The following UMAD1 variants were observed in gnomAD, a reference collection of about 807,000 sequenced individuals.
UMAD1 encodes UBAP1-MVB12-associated (UMA) domain containing 1, also known as UBAP1-MVB12-associated (UMA)-domain containing protein 1.
In UMAD1, 8 loss-of-function variants were observed where a neutral mutation model predicts 6.1. The observed-to-expected ratio is 1.30, with a 90% confidence interval of 0.76 to 2.35. The LOEUF (loss-of-function observed/expected upper bound fraction) is 2.35, where lower values mean the gene tolerates loss of function less well. Ranked by LOEUF, UMAD1 falls within the 30% of genes most tolerant of loss-of-function variation. The pLI, the probability that UMAD1 is intolerant of heterozygous loss-of-function variation, is 0.00. For synonymous variants in UMAD1, 56 were observed against 31.4 expected (o/e 1.78, Z -2.61); for missense variants, 130 against 78.4 (o/e 1.66, Z -2.49).
chr7:7,755,483 G>C (rs1441689852), intron 2 of UMAD1, among the ~76,000 whole-genome samples: 1 of 152,196 alleles, frequency 6.6e-6, no homozygotes, highest in Non-Finnish European at 1.5e-5. Context: ...TCAGAATTCA[G>C]AGTCTAAATT....
intron 3 of UMAD1, among the ~76,000 whole-genome samples, chr7:7,865,365 G>T (rs925584294): frequency 2.0e-5 from 3 of 152,094 alleles, no homozygotes; most frequent in Admixed American, 6.5e-5. Context: ...TTGGAGAATT[G>T]GTTGGTATGA....
intron 2 of UMAD1, among the ~76,000 whole-genome samples, chr7:7,709,544 G>A (rs74601666): frequency 0.029 from 4,346 of 152,344 alleles, 198 homozygotes; most frequent in African/African-American, 0.096. Context: ...AAAGTCAGGC[G>A]CTGAGCCTGC....
intron 2 of UMAD1, among the ~76,000 whole-genome samples, chr7:7,719,996 G>A (rs528555542): frequency 6.6e-6 from 1 of 152,246 alleles, no homozygotes; most frequent in East Asian, 1.9e-4. Flanking sequence ...TATTTTTGAA[G>A]GGAATAAAGT....
At chr7:7,721,146 G>C (rs1334185087) in intron 2 of UMAD1, among the ~76,000 whole-genome samples, 3 of 152,338 alleles carry the variant, frequency 2.0e-5, no homozygotes, top group Admixed American at 2.0e-4. Context: ...AGAGACTTCA[G>C]AGAGAGCTTA....
chr7:7,851,355 A>G (rs1783913020), intron 3 of UMAD1, among the ~76,000 whole-genome samples: 1 of 152,200 alleles, frequency 6.6e-6, no homozygotes, highest in Non-Finnish European at 1.5e-5. Context: ...TGTAAATAAT[A>G]CTATTCTGAA....
chr7:7,644,243 A>T (rs1785043971), intron 1 of UMAD1, among the ~76,000 whole-genome samples: 1 of 148,632 alleles, frequency 6.7e-6, no homozygotes, highest in South Asian at 2.1e-4. Context: ...TTTTTCCTTG[A>T]TTTTTCTTTT....
At chr7:7,776,515 C>T (rs1050237918) in intron 2 of UMAD1, among the ~76,000 whole-genome samples, 5 of 152,118 alleles carry the variant, frequency 3.3e-5, no homozygotes, top group Non-Finnish European at 7.3e-5. Flanking sequence ...CAGGAATTTT[C>T]AGTGTTGTTT....
chr7:7,794,267 A>G (rs572927490), intron 2 of UMAD1, among the ~76,000 whole-genome samples: 4 of 152,322 alleles, frequency 2.6e-5, no homozygotes, highest in African/African-American at 9.6e-5. Flanking sequence ...GGGCATGCCA[A>G]TAATAACAGC....
At chr7:7,715,274 C>A (rs1316336326) in intron 2 of UMAD1, 1 of 152,074 alleles carries the variant, frequency 6.6e-6, no homozygotes, top group Non-Finnish European at 1.5e-5. Flanking sequence ...AAAGTTTTCA[C>A]CAGATTTATG....
intron 2 of UMAD1, among the ~76,000 whole-genome samples, chr7:7,723,691 C>G (rs1313218456): frequency 3.3e-5 from 5 of 152,162 alleles, no homozygotes; most frequent in South Asian, 2.1e-4. Flanking sequence ...CATAGTCACT[C>G]AACTACAAAA....
chr7:7,878,290 A>G lies in UMAD1; in HGVS notation c.*752A>G, dbSNP rs1178456962. The G allele has an allele frequency of 6.6e-6, 1 of 152,138 alleles. No homozygotes were observed. Among genetic ancestry groups the G allele is most frequent in the Non-Finnish European group, 1.5e-5 (1 of 68,060 alleles). 9.4% of individuals were successfully genotyped at this position (152,138 alleles called of 1,614,324 possible). A position where few individuals can be genotyped will look rare whatever the true frequency, so the allele number is the denominator to read the frequency against. On this transcript the variant is annotated 3_prime_UTR_variant, in exon 4 of 4. Coordinates refer to ENST00000682710, the MANE Select transcript of UMAD1 (RefSeq NM_001302348.2). Reference sequence around the variant, plus strand: ...TCGGTTGCCATTTGCTCTCCTTACCACATATGTTCCCAGTTTATGAAGAGA... The same window carrying G: ...TCGGTTGCCATTTGCTCTCCTTACCGCATATGTTCCCAGTTTATGAAGAGA...
chr7:7,660,965 C>T (rs1785460138), intron 1 of UMAD1, among the ~76,000 whole-genome samples: 2 of 151,948 alleles, frequency 1.3e-5, no homozygotes, highest in Admixed American at 1.3e-4. Flanking sequence ...GGTCTTTTCA[C>T]ATAGTCCCAT....
intron 2 of UMAD1, among the ~76,000 whole-genome samples, chr7:7,745,442 GCC>G (rs1781553892): frequency 6.6e-6 from 1 of 152,062 alleles, no homozygotes; most frequent in Non-Finnish European, 1.5e-5. Context: ...GCTGAGAAAG[GCC>G]TCTGTGCTGG....
At chr7:7,780,528 C>G (rs13240854) in intron 2 of UMAD1, among the ~76,000 whole-genome samples, 10 of 152,064 alleles carry the variant, frequency 6.6e-5, no homozygotes, top group African/African-American at 2.2e-4. Context: ...CATGCACAAA[C>G]GATAAGTTTG....
At chr7:7,761,363 T>TAAAAAAA (rs375910269) in intron 2 of UMAD1, among the ~76,000 whole-genome samples, 15 of 121,148 alleles carry the variant, frequency 1.2e-4, no homozygotes, top group Admixed American at 4.1e-4. Context: ...GAGACCTAAC[T>TAAAAAAA]AAAAAAAAAA....
intron 3 of UMAD1, among the ~76,000 whole-genome samples, chr7:7,817,673 T>C (rs1407510481): frequency 6.6e-6 from 1 of 152,238 alleles, no homozygotes; most frequent in Admixed American, 6.5e-5. Context: ...ATTTTTTATT[T>C]GTTATGTATT....
chr7:7,657,303 G>A (rs1264213198), intron 1 of UMAD1, among the ~76,000 whole-genome samples: 1 of 152,172 alleles, frequency 6.6e-6, no homozygotes, highest in Non-Finnish European at 1.5e-5. Flanking sequence ...CTGTGCAGAA[G>A]CTCTTTAGCT....
chr7:7,789,623 C>CCA (rs112711017), intron 2 of UMAD1, among the ~76,000 whole-genome samples: 1 of 145,842 alleles, frequency 6.9e-6, no homozygotes, highest in South Asian at 2.2e-4. Flanking sequence ...CCCTTCTCCC[C>CCA]TCCCCACAGA....
intron 2 of UMAD1, among the ~76,000 whole-genome samples, chr7:7,742,754 A>G (rs1171777867): frequency 6.6e-6 from 1 of 152,228 alleles, no homozygotes; most frequent in Non-Finnish European, 1.5e-5. Flanking sequence ...TGAGAAAGTT[A>G]CTATTGCTTG....
Sources: allele counts gnomAD v4.1 joint callset (sites outside exome capture counted in the v4.1 genomes callset), GRCh38; gene constraint gnomAD v4.1.1; transcripts MANE v1.5; gene names NCBI Gene and HGNC (gene_info 2026-07-23, HGNC 2026-07-21).